Variants in CSMD3 observed in about 807,000 individuals in gnomAD.
CSMD3 encodes the protein CUB and Sushi multiple domains 3, also known as CUB and sushi domain-containing protein 3.
CSMD3 carries 177 observed loss-of-function variants against 435.2 expected under a neutral mutation model. The ratio of observed to expected loss-of-function variants is 0.41; its 90% confidence interval spans 0.36 to 0.46. The LOEUF (loss-of-function observed/expected upper bound fraction) is 0.46, where lower values mean the gene tolerates loss of function less well. CSMD3 is among the 20% of genes least tolerant of loss of function. CSMD3 has a pLI of 0.34. For missense variants in CSMD3, 4,265 were observed against 4,504.6 expected, an observed-to-expected ratio of 0.95 and a Z score of 1.52; for synonymous variants, 1,656 against 1,520.5, an observed-to-expected ratio of 1.09 and a Z score of -2.07.
At chr8:112,705,402 T>C (rs1227322765) in intron 13 of CSMD3, among the ~76,000 whole-genome samples, 1 of 152,102 alleles carries the variant, frequency 6.6e-6, no homozygotes, top group South Asian at 2.1e-4. Context: ...AAACCCCTTG[T>C]CTTCTCATTT....
intron 20 of CSMD3, 136 bp from the exon 21 acceptor site, chr8:112,639,047 T>G: frequency 1.6e-6 from 1 of 644,368 alleles, no homozygotes; most frequent in South Asian, 1.8e-5. Flanking sequence ...TATAAAATAT[T>G]CCAAATATAT....
intron 10 of CSMD3, among the ~76,000 whole-genome samples, chr8:112,859,989 CA>C (rs1167311197): frequency 1.3e-5 from 2 of 151,714 alleles, no homozygotes; most frequent in African/African-American, 4.8e-5. Flanking sequence ...TCTAATCTGT[CA>C]AAAATAATCT....
intron 27 of CSMD3, among the ~76,000 whole-genome samples, chr8:112,528,738 G>C (rs1016210178): frequency 6.6e-6 from 1 of 152,122 alleles, no homozygotes; most frequent in Admixed American, 6.5e-5. Flanking sequence ...CTAGCAGAGA[G>C]ATCCAGAACA....
At chr8:113,382,950 C>T (rs139198024) in intron 1 of CSMD3, among the ~76,000 whole-genome samples, 9,808 of 152,196 alleles carry the variant, frequency 0.064, 390 homozygotes, top group Middle Eastern at 0.1. Flanking sequence ...CACTGCACTC[C>T]AGCCTGGGAA....
chr8:112,457,774 A>G (rs1816983849), intron 32 of CSMD3, among the ~76,000 whole-genome samples: 1 of 152,018 alleles, frequency 6.6e-6, no homozygotes. Context: ...CTTGGCTGTA[A>G]GATAACTCCT....
chr8:113,239,119 C>T (rs1240085201), intron 3 of CSMD3, among the ~76,000 whole-genome samples: 2 of 152,072 alleles, frequency 1.3e-5, no homozygotes, highest in Non-Finnish European at 2.9e-5. Context: ...CTACGCTTTT[C>T]CTGCCTTTGG....
At chr8:112,523,006 C>T (rs908871740) in intron 27 of CSMD3, among the ~76,000 whole-genome samples, 15 of 151,958 alleles carry the variant, frequency 9.9e-5, no homozygotes, top group Admixed American at 8.5e-4. Context: ...AAAGAAAACA[C>T]GCCGGTTTTC....
chr8:112,667,166 A>G (rs2075546044), intron 16 of CSMD3, among the ~76,000 whole-genome samples: 1 of 152,090 alleles, frequency 6.6e-6, no homozygotes, highest in Non-Finnish European at 1.5e-5. Context: ...AGATGTGTAA[A>G]CCAAGTTTTA....
At chr8:112,713,411 G>C (rs1394125537) in intron 13 of CSMD3, among the ~76,000 whole-genome samples, 3 of 151,172 alleles carry the variant, frequency 2.0e-5, no homozygotes, top group Admixed American at 6.6e-5. Context: ...AAACCTCCGA[G>C]AAATATGGGA....
intron 4 of CSMD3, among the ~76,000 whole-genome samples, chr8:113,123,026 T>C (rs895665507): frequency 1.3e-5 from 2 of 152,096 alleles, no homozygotes; most frequent in Non-Finnish European, 2.9e-5. Context: ...ACCAACATTT[T>C]ACTATTAGTA....
chr8:112,696,409 G>A (rs1202402493), intron 13 of CSMD3, among the ~76,000 whole-genome samples: 2 of 152,026 alleles, frequency 1.3e-5, no homozygotes, highest in African/African-American at 2.4e-5. Context: ...AGAGCCCTCA[G>A]GAATAATACC....
chr8:113,010,846 G>T (rs1450904025), intron 6 of CSMD3, among the ~76,000 whole-genome samples: 2 of 151,498 alleles, frequency 1.3e-5, no homozygotes, highest in African/African-American at 4.8e-5. Flanking sequence ...AGTCACTACA[G>T]TATCAATGCT....
At chr8:112,239,407 T>C (rs572982626) in intron 66 of CSMD3, among the ~76,000 whole-genome samples, 2 of 152,218 alleles carry the variant, frequency 1.3e-5, no homozygotes, top group African/African-American at 4.8e-5. Flanking sequence ...CAAATGGGCC[T>C]GAAATTTTTC....
intron 1 of CSMD3, among the ~76,000 whole-genome samples, chr8:113,383,715 C>T (rs2094427287): frequency 6.6e-6 from 1 of 152,152 alleles, no homozygotes; most frequent in African/African-American, 2.4e-5. Context: ...TTATTTATTA[C>T]AGTTCAGCAA....
chr8:112,272,609 G>A (rs1408662255), intron 59 of CSMD3, among the ~76,000 whole-genome samples: 1 of 152,004 alleles, frequency 6.6e-6, no homozygotes, highest in Non-Finnish European at 1.5e-5. Context: ...CCCGTAGTCA[G>A]GAAGCCCTCT....
chr8:113,328,060 T>G (rs967088630), intron 1 of CSMD3, among the ~76,000 whole-genome samples: 2 of 151,800 alleles, frequency 1.3e-5, no homozygotes, highest in African/African-American at 2.4e-5. Flanking sequence ...GTTGAAGTTG[T>G]GCCCAAACAC....
At chr8:112,263,233 C>T (rs892070443) in intron 61 of CSMD3, among the ~76,000 whole-genome samples, 2 of 151,342 alleles carry the variant, frequency 1.3e-5, no homozygotes, top group Non-Finnish European at 2.9e-5. Flanking sequence ...CAATCATTAT[C>T]ATGACAAATG....
At chr8:113,323,130 C>T (rs189896914) in intron 1 of CSMD3, among the ~76,000 whole-genome samples, 44 of 152,240 alleles carry the variant, frequency 2.9e-4, no homozygotes, top group African/African-American at 7.2e-4. Context: ...TACCCTCATT[C>T]GCTTTTTGAA....
intron 4 of CSMD3, among the ~76,000 whole-genome samples, chr8:113,108,988 T>A (rs2090561883): frequency 6.6e-6 from 1 of 152,092 alleles, no homozygotes; most frequent in Non-Finnish European, 1.5e-5. Context: ...CAAACAATCA[T>A]AAAGAAGAAT....
Sources: allele counts gnomAD v4.1 joint callset (sites outside exome capture counted in the v4.1 genomes callset), GRCh38; gene constraint gnomAD v4.1.1; transcripts MANE v1.5; gene names NCBI Gene and HGNC (gene_info 2026-07-23, HGNC 2026-07-21).